DNAH3: variants seen among roughly 807,000 people sequenced by gnomAD.
DNAH3 encodes the protein axonemal beta dynein heavy chain 3.
DNAH3 carries 332 observed loss-of-function variants against 432.5 expected under a neutral mutation model. The observed-to-expected ratio is 0.77, with a 90% CI of 0.70 to 0.84. The LOEUF is 0.84. DNAH3 is among the 40% of genes least tolerant of loss of function. The probability of loss-of-function intolerance (pLI) is 0.00; values close to 1 mark genes in which losing one functional copy is unlikely to be tolerated. For synonymous variants in DNAH3, 1,956 were observed against 1,900.2 expected (o/e 1.03, Z -0.76); for missense variants, 4,861 against 5,114.0 (o/e 0.95, Z 1.51).
intron 55 of DNAH3, among the ~76,000 whole-genome samples, chr16:20,954,154 T>C (rs1473493346): frequency 6.9e-6 from 1 of 145,586 alleles, no homozygotes; most frequent in Non-Finnish European, 1.5e-5. Flanking sequence ...ACCTGAGAGG[T>C]GGAGGTTGCA....
intron 44 of DNAH3, among the ~76,000 whole-genome samples, chr16:20,989,220 CA>C (rs1303971390): frequency 6.6e-6 from 1 of 152,094 alleles, no homozygotes. Flanking sequence ...CTGATTGGTG[CA>C]TTTACAATCC....
chr16:20,943,238 G>A (rs1048553755), intron 58 of DNAH3, among the ~76,000 whole-genome samples: 1 of 151,968 alleles, frequency 6.6e-6, no homozygotes, highest in African/African-American at 2.4e-5. Flanking sequence ...ACGCCACTGA[G>A]CTCAGCTATT....
At chr16:20,944,898 T>C (rs1005867711) in intron 57 of DNAH3, among the ~76,000 whole-genome samples, 2 of 152,110 alleles carry the variant, frequency 1.3e-5, no homozygotes, top group Non-Finnish European at 2.9e-5. Flanking sequence ...CCACCCTGGC[T>C]TCCTCTCTGC....
At chr16:21,031,410 T>C in intron 36 of DNAH3, 124 bp from the exon 37 acceptor site, 2 of 1,225,354 alleles carry the variant, frequency 1.6e-6, no homozygotes, top group Non-Finnish European at 2.2e-6. Context: ...GAAGTCCTTC[T>C]TATAAAACAT....
chr16:21,002,444 G>GTTGTTATTA (rs1379704010), intron 42 of DNAH3, among the ~76,000 whole-genome samples: 2 of 146,828 alleles, frequency 1.4e-5, no homozygotes, highest in African/African-American at 5.0e-5. Context: ...ATCTGGTGTT[G>GTTGTTATTA]TTATTATTAT....
At chr16:21,014,282 T>C (rs935744616) in intron 41 of DNAH3, among the ~76,000 whole-genome samples, 1 of 152,172 alleles carries the variant, frequency 6.6e-6, no homozygotes, top group Admixed American at 6.5e-5. Flanking sequence ...TATTCCAAGG[T>C]ATATAAGTCT....
intron 50 of DNAH3, among the ~76,000 whole-genome samples, chr16:20,978,469 C>A (rs1331006167): frequency 6.6e-6 from 1 of 152,188 alleles, no homozygotes; most frequent in African/African-American, 2.4e-5. Context: ...GTAGAGGTTG[C>A]AGTGAGCTGA....
chr16:21,047,109 T>C (rs2089736210), intron 31 of DNAH3, among the ~76,000 whole-genome samples: 1 of 151,370 alleles, frequency 6.6e-6, no homozygotes, highest in African/African-American at 2.4e-5. Flanking sequence ...GCCCTTAACA[T>C]TTTTTCCTTC....
chr16:21,050,084 A>G (rs908762514), intron 29 of DNAH3, 66 bp from the exon 30 acceptor site: 8 of 1,193,192 alleles, frequency 6.7e-6, no homozygotes, highest in African/African-American at 1.5e-5. Context: ...CCGGCTTTTC[A>G]TTTATTTTGA....
At chr16:21,099,451 A>T (rs578110229) in intron 16 of DNAH3, among the ~76,000 whole-genome samples, 2 of 152,310 alleles carry the variant, frequency 1.3e-5, no homozygotes, top group South Asian at 2.1e-4. Context: ...ACCAGGAGAG[A>T]CCTTTCCAAA....
chr16:21,144,769 G>A (rs1567870095), intron 3 of DNAH3, among the ~76,000 whole-genome samples: 1 of 152,100 alleles, frequency 6.6e-6, no homozygotes, highest in Non-Finnish European at 1.5e-5. Context: ...GCTTTGCAAA[G>A]TCTCCAAAGT....
intron 12 of DNAH3, among the ~76,000 whole-genome samples, chr16:21,115,844 A>C (rs1261221779): frequency 6.6e-6 from 1 of 152,202 alleles, no homozygotes; most frequent in East Asian, 1.9e-4. Context: ...AGAATCTCCC[A>C]AATCAAATTC....
At chr16:21,045,822 A>G (rs2089669501) in intron 31 of DNAH3, among the ~76,000 whole-genome samples, 1 of 146,284 alleles carries the variant, frequency 6.8e-6, no homozygotes, top group African/African-American at 2.5e-5. Context: ...AGTGCTATAA[A>G]TTTCCCTCTA....
chr16:21,025,803 G>A (rs1298729025), intron 38 of DNAH3, among the ~76,000 whole-genome samples: 2 of 151,172 alleles, frequency 1.3e-5, no homozygotes, highest in South Asian at 4.2e-4. Context: ...GTGTGATCTC[G>A]GCTCACTGCA....
At chr16:20,980,067 A>G (rs1229844787) in intron 49 of DNAH3, among the ~76,000 whole-genome samples, 1 of 151,586 alleles carries the variant, frequency 6.6e-6, no homozygotes, top group Non-Finnish European at 1.5e-5. Flanking sequence ...GTCTTTGATC[A>G]AGTCATTTCT....
intron 31 of DNAH3, among the ~76,000 whole-genome samples, chr16:21,047,693 A>G (rs2089767031): frequency 6.6e-6 from 1 of 152,132 alleles, no homozygotes; most frequent in Non-Finnish European, 1.5e-5. Context: ...GCCATTCTCC[A>G]TCCAGCTTTG....
At chr16:20,951,326 T>A (rs545735823) in intron 56 of DNAH3, among the ~76,000 whole-genome samples, 2 of 151,968 alleles carry the variant, frequency 1.3e-5, no homozygotes, top group East Asian at 3.9e-4. Context: ...CCAAAACCCA[T>A]CTCTTATGCC....
chr16:21,150,134 A>C (rs1487255743), intron 1 of DNAH3, among the ~76,000 whole-genome samples, 156 bp downstream of exon 2: 2 of 151,378 alleles, frequency 1.3e-5, no homozygotes, highest in East Asian at 3.9e-4. Flanking sequence ...CTGAGGCAGG[A>C]GAATCACTTG....
At chr16:21,144,042 T>C (rs1023033189) in intron 3 of DNAH3, among the ~76,000 whole-genome samples, 1 of 151,806 alleles carries the variant, frequency 6.6e-6, no homozygotes, top group Non-Finnish European at 1.5e-5. Context: ...AGATCAAGAG[T>C]GCCAACATAC....
Sources: gnomAD v4.1 joint callset for allele counts (sites outside exome capture counted in the v4.1 genomes callset) on GRCh38, gnomAD v4.1.1 for gene constraint, MANE v1.5 for transcripts, NCBI Gene and HGNC (gene_info 2026-07-23, HGNC 2026-07-21) for gene names.